ZNF385D: variants seen among roughly 807,000 people sequenced by gnomAD.
ZNF385D encodes zinc finger protein 659.
Under a neutral mutation model 35.8 loss-of-function variants are expected in ZNF385D, and 15 were observed. The ratio of observed to expected loss-of-function variants is 0.42; its 90% CI spans 0.28 to 0.64. The LOEUF is 0.64. Ranked by LOEUF, ZNF385D falls within the 30% of genes least tolerant of loss-of-function variation. ZNF385D has a pLI of 0.23. For missense variants in ZNF385D, 474 were observed against 494.6 expected (o/e 0.96, Z 0.39); for synonymous variants, 212 against 186.8 (o/e 1.13, Z -1.10).
At chr3:21,692,526 C>T (rs1314455015) in intron 1 of ZNF385D, among the ~76,000 whole-genome samples, 1 of 152,214 alleles carries the variant, frequency 6.6e-6, no homozygotes, top group East Asian at 1.9e-4. Flanking sequence ...CCAATGATGT[C>T]CTAAGTGCTT....
intron 3 of ZNF385D, among the ~76,000 whole-genome samples, chr3:22,077,071 C>T (rs1305719508): frequency 6.6e-6 from 1 of 151,868 alleles, no homozygotes; most frequent in Non-Finnish European, 1.5e-5. Context: ...CCTTAATACC[C>T]ATAATAACCA....
intron 2 of ZNF385D, among the ~76,000 whole-genome samples, chr3:21,652,480 T>A (rs2065946008): frequency 6.6e-6 from 1 of 152,146 alleles, no homozygotes; most frequent in Non-Finnish European, 1.5e-5. Context: ...TTTTTAATTT[T>A]ATTATTATTA....
chr3:21,982,570 T>A (rs367899743), intron 3 of ZNF385D, among the ~76,000 whole-genome samples: 9 of 152,178 alleles, frequency 5.9e-5, no homozygotes, highest in South Asian at 2.1e-4. Context: ...TTGGAAGCCC[T>A]TTATTCCTTT....
At chr3:22,212,394 G>T (rs1334744935) in intron 2 of ZNF385D, among the ~76,000 whole-genome samples, 1 of 151,982 alleles carries the variant, frequency 6.6e-6, no homozygotes, top group Non-Finnish European at 1.5e-5. Context: ...GTTTCAAATT[G>T]AGAAGATTGG....
At chr3:21,601,811 C>T (rs1357808901) in intron 2 of ZNF385D, among the ~76,000 whole-genome samples, 1 of 152,058 alleles carries the variant, frequency 6.6e-6, no homozygotes, top group Admixed American at 6.6e-5. Context: ...CAGTTGATAC[C>T]TTGGTGGTGA....
intron 4 of ZNF385D, among the ~76,000 whole-genome samples, chr3:21,467,233 T>C (rs995953692): frequency 6.6e-6 from 1 of 152,250 alleles, no homozygotes; most frequent in African/African-American, 2.4e-5. Flanking sequence ...CTTACTTTCC[T>C]ATTCCATAAA....
rs192051070 is a variant in ZNF385D, at chr3:22,271,596, C to T, written c.106+100854G>A. On this transcript the variant is annotated intron_variant, in intron 2 of 5. Transcript: ENST00000494108. ...TACCCTTAAGTTGATCCCAGCCACACTCCATGTTCTTTTGTGTTTCCTGAA... is the reference window on the plus strand; with the variant it reads ...TACCCTTAAGTTGATCCCAGCCACATTCCATGTTCTTTTGTGTTTCCTGAA... Among the ~76,000 whole-genome samples, 17 of 152,030 alleles carry T rather than the reference C, an allele frequency of 1.1e-4. No individual in the cohort carries two copies. The South Asian group carries it at 2.9e-3, about 26-fold the overall frequency.
intron 2 of ZNF385D, among the ~76,000 whole-genome samples, chr3:22,262,994 C>A (rs950182624): frequency 6.6e-6 from 1 of 151,950 alleles, no homozygotes; most frequent in Non-Finnish European, 1.5e-5. Flanking sequence ...CACAGTCAGA[C>A]CTATCTTCAA....
chr3:21,773,426 CA>C (rs1457431532), intron 3 of ZNF385D, among the ~76,000 whole-genome samples: 2 of 151,668 alleles, frequency 1.3e-5, no homozygotes, highest in African/African-American at 2.4e-5. Flanking sequence ...AATGGAATCT[CA>C]TTAAACTAAA....
chr3:21,663,006 T>C (rs2066284327), intron 2 of ZNF385D, among the ~76,000 whole-genome samples: 1 of 152,166 alleles, frequency 6.6e-6, no homozygotes. Flanking sequence ...TGATGACACA[T>C]GGGAGTTTTG....
intron 2 of ZNF385D, among the ~76,000 whole-genome samples, chr3:21,660,628 G>T (rs186837709): frequency 6.6e-6 from 1 of 152,166 alleles, no homozygotes; most frequent in African/African-American, 2.4e-5. Flanking sequence ...ATGGTGAGAC[G>T]CTAGGAGAAA....
chr3:21,795,800 A>G, intron 3 of ZNF385D, among the ~76,000 whole-genome samples: 1 of 152,256 alleles, frequency 6.6e-6, no homozygotes, highest in Non-Finnish European at 1.5e-5. Context: ...ATAGGCACTC[A>G]GTATGACTAT....
intron 3 of ZNF385D, among the ~76,000 whole-genome samples, chr3:21,534,012 T>G (rs1428594170): frequency 1.3e-5 from 2 of 152,102 alleles, no homozygotes; most frequent in Non-Finnish European, 2.9e-5. Flanking sequence ...AAATTAACAC[T>G]GAATACTTAC....
intron 3 of ZNF385D, among the ~76,000 whole-genome samples, chr3:22,028,715 G>A (rs1697722271): frequency 6.6e-6 from 1 of 152,102 alleles, no homozygotes; most frequent in Admixed American, 6.5e-5. Context: ...CTCAGACCAA[G>A]GCATTCACTT....
intron 3 of ZNF385D, among the ~76,000 whole-genome samples, chr3:21,518,498 G>A (rs1033533159): frequency 2.0e-5 from 3 of 152,010 alleles, no homozygotes; most frequent in Non-Finnish European, 2.9e-5. Flanking sequence ...AAGGGCTAGA[G>A]GAACCCCCTT....
intron 3 of ZNF385D, among the ~76,000 whole-genome samples, chr3:21,924,481 A>G (rs974281864): frequency 6.6e-6 from 1 of 152,206 alleles, no homozygotes; most frequent in African/African-American, 2.4e-5. Context: ...TTTAGACAGT[A>G]ACTGCTCAAC....
rs190275099 is a variant in ZNF385D at position 22,066,453 on chromosome 3, T to C, written c.325+102364A>G. On this transcript the variant is annotated intron_variant, in intron 3 of 5. Coordinates refer to the ZNF385D transcript ENST00000494108. ...ATAAGTAAAAAGATACTGGGTGAGA[T>C]GGTTCCCCGTGTGTGTGTGTGTGTG... Among the ~76,000 whole-genome samples the C allele has an allele frequency of 1.5e-4, 20 of 133,188 alleles. No individual in the cohort carries two copies. The East Asian group carries it at 3.5e-3, about 23-fold the overall frequency. The allele number at this position is 133,188 out of a possible 152,430, so 87.4% of individuals were successfully genotyped here.
At chr3:21,654,098 T>TAA (rs142205284) in intron 2 of ZNF385D, among the ~76,000 whole-genome samples, 1 of 149,244 alleles carries the variant, frequency 6.7e-6, no homozygotes. Context: ...ACCTTCCATT[T>TAA]AAAAAAAAAA....
intron 3 of ZNF385D, among the ~76,000 whole-genome samples, chr3:21,974,200 A>C (rs1559807007): frequency 6.6e-6 from 1 of 152,134 alleles, no homozygotes; most frequent in African/African-American, 2.4e-5. Context: ...TAAGGAAAAC[A>C]GTATGGTACT....
Sources: gnomAD v4.1 joint callset for allele counts (sites outside exome capture counted in the v4.1 genomes callset) on GRCh38, gnomAD v4.1.1 for gene constraint, MANE v1.5 for transcripts, NCBI Gene and HGNC (gene_info 2026-07-23, HGNC 2026-07-21) for gene names.